NRG3: variants seen among roughly 807,000 people sequenced by gnomAD.
The protein encoded by NRG3 is neuregulin 3.
A neutral mutation model predicts 66.9 loss-of-function variants in NRG3; 31 were observed. The observed-to-expected ratio is 0.46, with a 90% confidence interval of 0.35 to 0.63. The LOEUF (loss-of-function observed/expected upper bound fraction) is 0.63, where lower values mean the gene tolerates loss of function less well. Ranked by LOEUF, NRG3 falls within the 20% of genes least tolerant of loss-of-function variation. The pLI, the probability that NRG3 is intolerant of heterozygous loss-of-function variation, is 0.00. For synonymous variants in NRG3, 393 were observed against 359.4 expected, an observed-to-expected ratio of 1.09 and a Z score of -1.06; for missense variants, 910 against 878.9, an observed-to-expected ratio of 1.04 and a Z score of -0.45.
At chr10:82,402,423 C>G (rs1365065460) in intron 2 of NRG3, among the ~76,000 whole-genome samples, 1 of 152,070 alleles carries the variant, frequency 6.6e-6, no homozygotes, top group South Asian at 2.1e-4. Context: ...CCTTTTCTAA[C>G]CAAAGAAGTT....
At chr10:82,595,516 T>C (rs1156668237) in intron 2 of NRG3, among the ~76,000 whole-genome samples, 2 of 152,284 alleles carry the variant, frequency 1.3e-5, no homozygotes, top group Admixed American at 6.5e-5. Context: ...CCAGGCGCGA[T>C]GGCCCACACC....
At chr10:82,316,380 A>T (rs2081296655) in intron 1 of NRG3, among the ~76,000 whole-genome samples, 1 of 152,194 alleles carries the variant, frequency 6.6e-6, no homozygotes. Context: ...TTCTATGAGG[A>T]GATATACTTT....
At chr10:82,253,253 C>T (rs955289065) in intron 1 of NRG3, among the ~76,000 whole-genome samples, 1 of 152,146 alleles carries the variant, frequency 6.6e-6, no homozygotes, top group African/African-American at 2.4e-5. Flanking sequence ...CACTTAGCTC[C>T]CTGGGAGCAC....
At chr10:82,480,491 C>A (rs1350737672) in intron 2 of NRG3, among the ~76,000 whole-genome samples, 1 of 152,144 alleles carries the variant, frequency 6.6e-6, no homozygotes, top group East Asian at 1.9e-4. Flanking sequence ...TTAAGGAAGT[C>A]TCTCCTGTAT....
At chr10:82,971,252 A>C (rs1851698295) in intron 6 of NRG3, among the ~76,000 whole-genome samples, 1 of 152,094 alleles carries the variant, frequency 6.6e-6, no homozygotes, top group Non-Finnish European at 1.5e-5. Flanking sequence ...TTTCAACACG[A>C]GATTCAAAGG....
At chr10:81,905,089 C>A (rs898424884) in intron 1 of NRG3, among the ~76,000 whole-genome samples, 17 of 152,190 alleles carry the variant, frequency 1.1e-4, no homozygotes, top group African/African-American at 3.9e-4. Flanking sequence ...AATTTAGCAT[C>A]ATGCTCTGCT....
intron 3 of NRG3, among the ~76,000 whole-genome samples, chr10:82,741,529 C>T (rs117063358): frequency 3.9e-5 from 6 of 152,192 alleles, no homozygotes; most frequent in African/African-American, 1.4e-4. Context: ...GTTACTAATA[C>T]GCGTTTAAAT....
At chr10:81,962,882 C>T (rs1377178788) in intron 1 of NRG3, among the ~76,000 whole-genome samples, 2 of 152,262 alleles carry the variant, frequency 1.3e-5, no homozygotes, top group East Asian at 3.9e-4. Flanking sequence ...AATGCACTTC[C>T]TGCATAGTGA....
intron 1 of NRG3, among the ~76,000 whole-genome samples, chr10:81,937,261 G>T (rs1429011273): frequency 6.6e-6 from 1 of 152,062 alleles, no homozygotes; most frequent in Non-Finnish European, 1.5e-5. Context: ...TCTCCTTGAG[G>T]TCCTGTTTTC....
chr10:82,169,293 C>T (rs985879923), intron 1 of NRG3, among the ~76,000 whole-genome samples: 6 of 151,958 alleles, frequency 3.9e-5, no homozygotes, highest in African/African-American at 1.4e-4. Context: ...TACAAAAATA[C>T]TCTTTTTCAA....
At chr10:82,896,588 T>C (rs997888323) in intron 4 of NRG3, among the ~76,000 whole-genome samples, 1 of 152,240 alleles carries the variant, frequency 6.6e-6, no homozygotes, top group African/African-American at 2.4e-5. Context: ...AAAATAAATG[T>C]GAACATTGAT....
At chr10:82,729,097 G>A (rs1245430509) in intron 2 of NRG3, among the ~76,000 whole-genome samples, 1 of 152,096 alleles carries the variant, frequency 6.6e-6, no homozygotes, top group African/African-American at 2.4e-5. Context: ...TTAATCACAG[G>A]CCTCCATCAC....
intron 2 of NRG3, among the ~76,000 whole-genome samples, chr10:82,695,903 G>T (rs2134241953): frequency 6.6e-6 from 1 of 152,142 alleles, no homozygotes; most frequent in South Asian, 2.1e-4. Flanking sequence ...ACCTTTACCT[G>T]CAAGCTTCCT....
intron 2 of NRG3, among the ~76,000 whole-genome samples, chr10:82,634,846 T>C (rs947546754): frequency 6.6e-6 from 1 of 152,170 alleles, no homozygotes; most frequent in Admixed American, 6.5e-5. Context: ...TGTTACATTG[T>C]TATAAATTGT....
At chr10:82,823,282 C>G (rs2062033327) in intron 3 of NRG3, among the ~76,000 whole-genome samples, 1 of 152,112 alleles carries the variant, frequency 6.6e-6, no homozygotes, top group Non-Finnish European at 1.5e-5. Context: ...AGTGAACATC[C>G]TTAGAGACTG....
intron 2 of NRG3, among the ~76,000 whole-genome samples, chr10:82,438,497 G>A (rs1028505177): frequency 1.3e-5 from 2 of 152,230 alleles, no homozygotes; most frequent in Admixed American, 6.5e-5. Flanking sequence ...AAGTCCCAGT[G>A]CTGGCTGCCC....
At chr10:82,245,738 C>T (rs944128203) in intron 1 of NRG3, among the ~76,000 whole-genome samples, 7 of 152,076 alleles carry the variant, frequency 4.6e-5, no homozygotes, top group Non-Finnish European at 8.8e-5. Flanking sequence ...AACTTAAGAA[C>T]TAGGACATGA....
In NRG3 at chr10:81,929,811, G is replaced by A. The variant is rs186687037; in HGVS notation, c.823+53648G>A. Among the ~76,000 whole-genome samples the A allele has an allele frequency of 1.2e-3, 181 of 152,300 alleles. 1 individual carries two copies. The highest frequency in any genetic ancestry group is 0.01 in the Middle Eastern group (3 of 294). Reference sequence around the variant, plus strand: ...TCTGGCCAGGCATTGGTAGTTTACAGAAGTCTACCAGATGATTCTAATGTG... The same window carrying A: ...TCTGGCCAGGCATTGGTAGTTTACAAAAGTCTACCAGATGATTCTAATGTG... On this transcript the variant is annotated intron_variant, in intron 1 of 8. Coordinates refer to ENST00000372141, the MANE Select transcript of NRG3 (RefSeq NM_001010848.4).
At chr10:82,682,478 G>A (rs1480427248) in intron 2 of NRG3, among the ~76,000 whole-genome samples, 1 of 152,124 alleles carries the variant, frequency 6.6e-6, no homozygotes, top group Non-Finnish European at 1.5e-5. Context: ...TATTTATCTG[G>A]TGATGGGAAA....
Sources: gnomAD v4.1 joint callset for allele counts (sites outside exome capture counted in the v4.1 genomes callset) on GRCh38, gnomAD v4.1.1 for gene constraint, MANE v1.5 for transcripts, NCBI Gene and HGNC (gene_info 2026-07-23, HGNC 2026-07-21) for gene names.